Variants in HFM1 observed in about 807,000 individuals in gnomAD.
The protein encoded by HFM1 is probable ATP-dependent DNA helicase HFM1.
A neutral mutation model predicts 192.1 loss-of-function variants in HFM1; 169 were observed. The observed-to-expected ratio is 0.88, with a 90% CI of 0.78 to 1.00. The LOEUF (loss-of-function observed/expected upper bound fraction) is 1.00. Ranked by LOEUF, HFM1 falls within the 50% of genes least tolerant of loss-of-function variation. The pLI is 0.00. For synonymous variants in HFM1, 525 were observed against 537.8 expected (o/e 0.98, Z 0.33); for missense variants, 1,661 against 1,668.0 (o/e 1.00, Z 0.07).
At chr1:91,395,409 AAT>A (rs1253006117) in intron 3 of HFM1, among the ~76,000 whole-genome samples, 1 of 151,916 alleles carries the variant, frequency 6.6e-6, no homozygotes, top group African/African-American at 2.4e-5. Context: ...AGAGAAGAAA[AAT>A]ATTTTAAATT....
chr1:91,331,794 G>T (rs888196356), intron 20 of HFM1, among the ~76,000 whole-genome samples: 6 of 152,280 alleles, frequency 3.9e-5, no homozygotes, highest in Non-Finnish European at 8.8e-5. Flanking sequence ...TACTCAGGAG[G>T]CTGAGGCAGG....
rs568567898 is a variant in HFM1, at chr1:91,325,769, G to A, written c.2336-1003C>T. 6.6e-5 allele frequency among the ~76,000 whole-genome samples: 10 copies of A among 152,118 alleles called. No homozygotes were observed. The South Asian group carries it at 2.1e-3, about 32-fold the overall frequency. On this transcript the variant is annotated intron_variant, in intron 20 of 38. Coordinates refer to ENST00000370425, the MANE Select transcript of HFM1 (RefSeq NM_001017975.6). ...ACCAAGTGAACTAAACAAGGCAGCA[G>A]GAATGAATCCTAGAAAAAGAGAGAT...
At position 91,385,215 on chromosome 1, in the gene HFM1, TA is replaced by T; in HGVS notation, c.773del (p.Leu258Ter). ...HDIQEVTENG[L>X]GSLKAVTEIP... ...TTTCTGTGACAGCCTTCAAGGAACC[TA>T]AACCATTTTCTGTTACCTCTGAAAA... On this transcript the variant is annotated frameshift_variant, in exon 6 of 39. Transcript: ENST00000370425. LOFTEE classifies it high-confidence loss of function. 1 of 1,566,160 alleles carries T rather than the reference TA, an allele frequency of 6.4e-7. No homozygotes were observed. Among genetic ancestry groups the T allele is most frequent in the Non-Finnish European group, 8.8e-7 (1 of 1,142,240 alleles).
intron 30 of HFM1, among the ~76,000 whole-genome samples, chr1:91,312,470 C>T (rs1350868365): frequency 6.6e-6 from 1 of 152,186 alleles, no homozygotes; most frequent in African/African-American, 2.4e-5. Context: ...AGTTTGACTG[C>T]TCCACTGGAT....
At chr1:91,304,174 G>T (rs1649275352) in intron 30 of HFM1, among the ~76,000 whole-genome samples, 1 of 151,832 alleles carries the variant, frequency 6.6e-6, no homozygotes, top group Non-Finnish European at 1.5e-5. Context: ...GTTTTAATTG[G>T]GCTATTTGTC....
At position 91,377,845 on chromosome 1, in the gene HFM1, G is replaced by C. The variant is rs890447999; in HGVS notation, c.1395+180C>G. The stretch of plus-strand genomic sequence containing the variant: ...CCACAAAAAATGTTTTATTAAACCT[G>C]ATTAACCAAATTTTATGGCCTTAAT... On this transcript the variant is annotated intron_variant, in intron 11 of 38. Coordinates refer to ENST00000370425, the MANE Select transcript of HFM1 (RefSeq NM_001017975.6). 1.2e-5 allele frequency: 7 copies of C among 598,326 alleles called. No homozygotes were observed. The African/African-American group carries it at 1.4e-4, about 12-fold the overall frequency. 37.1% of individuals were successfully genotyped at this position (598,326 alleles called of 1,614,324 possible). A position where few individuals can be genotyped will look rare whatever the true frequency, so the allele number is the denominator to read the frequency against.
intron 6 of HFM1, among the ~76,000 whole-genome samples, chr1:91,382,140 C>T (rs1186016720): frequency 6.6e-6 from 1 of 152,156 alleles, no homozygotes; most frequent in Non-Finnish European, 1.5e-5. Context: ...TCTGCCTAGA[C>T]TGTTATTCCT....
intron 18 of HFM1, 103 bp from the exon 19 acceptor site, chr1:91,347,579 G>GA (rs1019846640): frequency 7.0e-4 from 399 of 569,368 alleles, no homozygotes; most frequent in South Asian, 1.9e-3. Flanking sequence ...TCTTATATAA[G>GA]AAAAAAAAAT....
intron 1 of HFM1, among the ~76,000 whole-genome samples, chr1:91,403,517 TC>T (rs1485047768): frequency 6.6e-6 from 1 of 152,148 alleles, no homozygotes; most frequent in African/African-American, 2.4e-5. Context: ...TTGCTACAGT[TC>T]AGTATGAGTT....
intron 11 of HFM1, chr1:91,377,823 C>CA (rs1482219145): frequency 8.9e-6 from 5 of 560,628 alleles, no homozygotes; most frequent in South Asian, 2.4e-5. Flanking sequence ...CACATGTCCA[C>CA]AAAAAATGTT....
Position 91,313,226 on chromosome 1 carries a change from T to C in HFM1, c.3391+123A>G, listed in dbSNP as rs1192922143. ...CTATATACTATTAATGAAATTACTA[T>C]GAAGCTTAAATATCTTATTCCAGAG... On this transcript the variant is annotated intron_variant, in intron 30 of 38. Transcript: ENST00000370425. 1.8e-5 allele frequency: 10 copies of C among 543,058 alleles called. No individual in the cohort carries two copies. The East Asian group carries it at 2.6e-4, about 14-fold the overall frequency. 33.6% of individuals were successfully genotyped at this position (543,058 alleles called of 1,614,324 possible). A position where few individuals can be genotyped will look rare whatever the true frequency, so the allele number is the denominator to read the frequency against.
chr1:91,291,730 A>C (rs557407318), intron 30 of HFM1, among the ~76,000 whole-genome samples: 13,488 of 150,016 alleles, frequency 0.09, 643 homozygotes, highest in East Asian at 0.15. Flanking sequence ...GATACCAAAG[A>C]CGGGCAGAGA....
At chr1:91,346,829 A>G (rs1003936595) in intron 19 of HFM1, among the ~76,000 whole-genome samples, 6 of 152,208 alleles carry the variant, frequency 3.9e-5, no homozygotes, top group African/African-American at 1.2e-4. Context: ...TTAAGTAGAA[A>G]AGAAAAATAC....
Position 91,350,685 on chromosome 1 carries a change from C to T in HFM1, c.2206+53G>A, listed in dbSNP as rs757915124. The T allele has an allele frequency of 4.5e-6, 7 of 1,550,882 alleles. No individual in the cohort carries two copies. In the African/African-American group the frequency reaches 9.5e-5, roughly 21 times the overall value. On this transcript the variant is annotated intron_variant, in intron 18 of 38. Coordinates refer to ENST00000370425, the MANE Select transcript of HFM1 (RefSeq NM_001017975.6). ...ATCCTGTAACTTATTAGTATAAATACAGGCCTAGCTGGCTTGAAAAAATTA... is the reference window on the plus strand; with the variant it reads ...ATCCTGTAACTTATTAGTATAAATATAGGCCTAGCTGGCTTGAAAAAATTA...
At chr1:91,379,988 G>A in intron 8 of HFM1, 116 bp downstream of exon 8, 1 of 462,908 alleles carries the variant, frequency 2.2e-6, no homozygotes, top group Non-Finnish European at 3.7e-6. Context: ...GACTTTACTA[G>A]AAATATATAG....
intron 19 of HFM1, among the ~76,000 whole-genome samples, chr1:91,346,019 C>T (rs1181587013): frequency 6.6e-6 from 1 of 152,168 alleles, no homozygotes; most frequent in Non-Finnish European, 1.5e-5. Context: ...ATATCATACA[C>T]AACTTTGATT....
intron 25 of HFM1, among the ~76,000 whole-genome samples, chr1:91,318,638 T>C (rs1166815192): frequency 6.6e-6 from 1 of 152,022 alleles, no homozygotes. Flanking sequence ...CCTACTGTTA[T>C]TGAAAACAAA....
At chr1:91,306,632 T>C (rs1302480647) in intron 30 of HFM1, among the ~76,000 whole-genome samples, 2 of 152,194 alleles carry the variant, frequency 1.3e-5, no homozygotes, top group African/African-American at 4.8e-5. Context: ...TCATGAGATA[T>C]GTTGCTAAAT....
chr1:91,383,904 A>C (rs1457394895), intron 6 of HFM1, among the ~76,000 whole-genome samples: 2 of 130,358 alleles, frequency 1.5e-5, no homozygotes, highest in Non-Finnish European at 3.2e-5. Flanking sequence ...TACATATTAA[A>C]AAATATCATG....
Sources: gnomAD v4.1 joint callset for allele counts (sites outside exome capture counted in the v4.1 genomes callset) on GRCh38, gnomAD v4.1.1 for gene constraint, MANE v1.5 for transcripts, NCBI Gene and HGNC (gene_info 2026-07-23, HGNC 2026-07-21) for gene names.